The following BTBD9 variants were observed in gnomAD, a reference collection of about 807,000 sequenced individuals.
BTBD9 encodes BTB domain containing 9, also known as BTB/POZ domain-containing protein 9.
Under a neutral mutation model 64.3 loss-of-function variants are expected in BTBD9, and 49 were observed. That is an observed-to-expected ratio of 0.76 (90% CI 0.61 to 0.97). BTBD9 has a LOEUF of 0.97. Ranked by LOEUF, BTBD9 falls within the 50% of genes least tolerant of loss-of-function variation. The probability of loss-of-function intolerance (pLI) is 0.00; values close to 1 mark genes in which losing one functional copy is unlikely to be tolerated. For synonymous variants in BTBD9, 260 were observed against 274.7 expected (o/e 0.95, Z 0.53); for missense variants, 598 against 762.1 (o/e 0.78, Z 2.53).
At chr6:38,436,227 A>G (rs1056172860) in intron 6 of BTBD9, among the ~76,000 whole-genome samples, 4 of 151,866 alleles carry the variant, frequency 2.6e-5, no homozygotes, top group African/African-American at 9.7e-5. Context: ...AGGAACACCC[A>G]AAAAGACACA....
chr6:38,614,018 C>T (rs1777706403), intron 1 of BTBD9, among the ~76,000 whole-genome samples: 1 of 152,172 alleles, frequency 6.6e-6, no homozygotes, highest in South Asian at 2.1e-4. Flanking sequence ...TGGTGAGGAG[C>T]CCTCCTGCTT....
chr6:38,612,691 A>G (rs1356483920), intron 1 of BTBD9: 1 of 152,202 alleles, frequency 6.6e-6, no homozygotes, highest in African/African-American at 2.4e-5. Flanking sequence ...AAAGAAAAAA[A>G]ATACCTTACT....
chr6:38,498,048 AATAACT>A (rs1772032093), intron 6 of BTBD9, among the ~76,000 whole-genome samples: 1 of 152,244 alleles, frequency 6.6e-6, no homozygotes. Context: ...TTATGGAAAC[AATAACT>A]ATAAAGTGTC....
At chr6:38,232,588 G>C (rs535924328) in intron 9 of BTBD9, among the ~76,000 whole-genome samples, 6 of 151,498 alleles carry the variant, frequency 4.0e-5, no homozygotes, top group Non-Finnish European at 8.8e-5. Context: ...CAAAAGATTT[G>C]TTATTGGACT....
chr6:38,545,239 G>A (rs1473201665), intron 6 of BTBD9, among the ~76,000 whole-genome samples: 1 of 151,932 alleles, frequency 6.6e-6, no homozygotes, highest in Non-Finnish European at 1.5e-5. Context: ...TTACAGGCAT[G>A]TGCCACCACA....
intron 7 of BTBD9, among the ~76,000 whole-genome samples, chr6:38,341,207 C>T (rs1048732313): frequency 8.5e-5 from 13 of 152,158 alleles, no homozygotes; most frequent in African/African-American, 3.1e-4. Context: ...CACATTCTCA[C>T]TCCAGACTTT....
chr6:38,593,725 C>A (rs1156231453), intron 3 of BTBD9, among the ~76,000 whole-genome samples: 2 of 152,172 alleles, frequency 1.3e-5, no homozygotes, highest in Non-Finnish European at 2.9e-5. Context: ...GCAGCACAGT[C>A]TCTTTTGCAC....
intron 6 of BTBD9, among the ~76,000 whole-genome samples, chr6:38,574,810 T>C (rs116347691): frequency 0.014 from 2,122 of 152,182 alleles, 47 homozygotes; most frequent in African/African-American, 0.047. Context: ...CCACAGCCCA[T>C]TGTTTTAAAC....
At chr6:38,301,336 C>T (rs1363111557) in intron 7 of BTBD9, among the ~76,000 whole-genome samples, 1 of 152,130 alleles carries the variant, frequency 6.6e-6, no homozygotes, top group African/African-American at 2.4e-5. Context: ...TTTGTTGTGT[C>T]TCTGCCAGGC....
chr6:38,630,893 A>T (rs1369701510), intron 1 of BTBD9, among the ~76,000 whole-genome samples: 2 of 152,210 alleles, frequency 1.3e-5, no homozygotes, highest in Non-Finnish European at 2.9e-5. Flanking sequence ...AAATTAGCAG[A>T]CTCATCTAAG....
chr6:38,290,888 A>G (rs1031869215), intron 7 of BTBD9, among the ~76,000 whole-genome samples: 1 of 152,226 alleles, frequency 6.6e-6, no homozygotes, highest in African/African-American at 2.4e-5. Context: ...ATGAAAGAGC[A>G]TTTAACAGAC....
chr6:38,258,168 T>A (rs1425961438), intron 8 of BTBD9, among the ~76,000 whole-genome samples: 1 of 151,902 alleles, frequency 6.6e-6, no homozygotes, highest in African/African-American at 2.4e-5. Context: ...GTAGTTTTAG[T>A]AGAGATGGGG....
chr6:38,528,481 A>G lies in BTBD9; in HGVS notation c.1154+49119T>C, dbSNP rs1773618001. ...AAATGCTTGCAACACCCCTCCCCCA[A>G]TCCCAAGCAGCACAGCTCGCAGCTC... On this transcript the variant is annotated intron_variant, in intron 6 of 10. Transcript: ENST00000481247. Among the ~76,000 whole-genome samples the G allele has an allele frequency of 2.6e-5, 4 of 151,966 alleles. No homozygotes were observed. In the South Asian group the frequency reaches 8.3e-4, roughly 31 times the overall value.
At position 38,577,659 on chromosome 6, in the gene BTBD9, A is replaced by T; in HGVS notation, c.1095T>A (p.Asp365Glu). ...AAGAACGACACAGATATTGTGAATG[A>T]TCTATCACTCTGACCCAATCAAGTT... ...MDELDWVRVI[D>E]HSQYLCRSWQ... is the part of the protein sequence containing the mutation. The change falls in exon 6 of 11, where the codon GAT becomes GAA. Residue 365 changes from aspartate to glutamate, a missense_variant. Physicochemically the swap from Asp to Glu is conservative, Grantham distance 45 (BLOSUM62 2). Transcript: ENST00000481247. The T allele has an allele frequency of 6.2e-7, 1 of 1,610,888 alleles. No individual in the cohort carries two copies. Among genetic ancestry groups the T allele is most frequent in the Non-Finnish European group, 8.5e-7 (1 of 1,179,492 alleles).
At chr6:38,516,050 C>T (rs185269286) in intron 6 of BTBD9, among the ~76,000 whole-genome samples, 3 of 152,176 alleles carry the variant, frequency 2.0e-5, no homozygotes, top group South Asian at 2.1e-4. Flanking sequence ...AAAGAAAATT[C>T]GGCACAATTC....
intron 6 of BTBD9, among the ~76,000 whole-genome samples, chr6:38,542,691 A>G (rs774705559): frequency 3.3e-5 from 5 of 152,314 alleles, no homozygotes; most frequent in African/African-American, 1.2e-4. Flanking sequence ...TTGGAAAATT[A>G]AAAAAGCTGG....
chr6:38,568,258 G>A (rs1412730941), intron 6 of BTBD9, among the ~76,000 whole-genome samples: 1 of 152,166 alleles, frequency 6.6e-6, no homozygotes, highest in South Asian at 2.1e-4. Context: ...ATAGAAAAAT[G>A]ACTATGTAAT....
intron 7 of BTBD9, 62 bp downstream of exon 7, chr6:38,344,922 A>G (rs1262822249): frequency 2.7e-6 from 3 of 1,108,674 alleles, no homozygotes; most frequent in Non-Finnish European, 2.6e-6. Context: ...TTAAGAGAGT[A>G]ACAAAGTATT....
intron 6 of BTBD9, among the ~76,000 whole-genome samples, chr6:38,417,359 G>A (rs959497019): frequency 6.6e-6 from 1 of 152,168 alleles, no homozygotes; most frequent in Admixed American, 6.5e-5. Flanking sequence ...CTCTAATATT[G>A]CACTTATCTA....
Sources: gnomAD v4.1 joint callset for allele counts (sites outside exome capture counted in the v4.1 genomes callset) on GRCh38, gnomAD v4.1.1 for gene constraint, MANE v1.5 for transcripts, NCBI Gene and HGNC (gene_info 2026-07-23, HGNC 2026-07-21) for gene names.